The following NFE2L3 variants were observed in gnomAD, a reference collection of about 807,000 sequenced individuals.
NFE2L3 encodes the protein NFE2 like bZIP transcription factor 3.
Under a neutral mutation model 23.5 loss-of-function variants are expected in NFE2L3, and 18 were observed. The observed-to-expected ratio is 0.77, with a 90% CI of 0.53 to 1.13. The LOEUF (loss-of-function observed/expected upper bound fraction) is 1.13, where lower values mean the gene tolerates loss of function less well. Among genes scored for constraint, NFE2L3 ranks in the 50% most tolerant of loss-of-function variants. The pLI is 0.00. For missense variants in NFE2L3, 1,152 were observed against 877.2 expected, an observed-to-expected ratio of 1.31 and a Z score of -3.96; for synonymous variants, 424 against 354.5, an observed-to-expected ratio of 1.20 and a Z score of -2.20.
rs535437302 is a variant in NFE2L3, at chr7:26,185,319, C to G, written c.1621C>G (p.Arg541Gly). Residue 541 changes from arginine (R) to glycine (G), a missense_variant, in exon 4 of 4, where the codon CGT becomes GGT. Physicochemically the swap from Arg to Gly is moderately radical, Grantham distance 125. Coordinates refer to ENST00000056233, the MANE Select transcript of NFE2L3 (RefSeq NM_004289.7). Reference protein sequence around the residue: ...TDRNLSRDEQRAKALHIPFSV... With the variant: ...TDRNLSRDEQGAKALHIPFSV... Reference sequence around the variant, plus strand: ...TAGAAACTTGAGCCGTGATGAACAGCGTGCTAAAGCTTTGCATATCCCTTT... The same window carrying G: ...TAGAAACTTGAGCCGTGATGAACAGGGTGCTAAAGCTTTGCATATCCCTTT... 2.5e-6 allele frequency: 4 copies of G among 1,613,960 alleles called. No individual in the cohort carries two copies. The African/African-American group carries it at 5.3e-5, about 22-fold the overall frequency.
At chr7:26,156,308 A>G (rs758239666) in intron 1 of NFE2L3, among the ~76,000 whole-genome samples, 2 of 152,222 alleles carry the variant, frequency 1.3e-5, no homozygotes, top group Non-Finnish European at 2.9e-5. Context: ...AAAGAGACGA[A>G]GTGCTTTGTC....
At position 26,175,728 on chromosome 7, in the gene NFE2L3, A is replaced by T. The variant is rs182044045; in HGVS notation, c.571-2215A>T. 3.2e-3 allele frequency among the ~76,000 whole-genome samples: 479 copies of T among 150,756 alleles called. 2 individuals carry two copies. The highest frequency in any genetic ancestry group is 0.011 in the African/African-American group (467 of 41,338). On this transcript the variant is annotated intron_variant, in intron 1 of 3. Coordinates refer to ENST00000056233, the MANE Select transcript of NFE2L3 (RefSeq NM_004289.7). ...CGGGAGGCCGAGCTTGTAGTGAGCC[A>T]AGATCGTGCCACTGCACTCCAGCCT... is the stretch of plus-strand genomic sequence containing the variant.
At chr7:26,183,652 C>A in intron 2 of NFE2L3, 49 bp from the exon 3 acceptor site, 1 of 1,159,598 alleles carries the variant, frequency 8.6e-7, no homozygotes, top group African/African-American at 1.5e-5. Context: ...AAAGCCCCAA[C>A]CAGTTCAGTC....
intron 1 of NFE2L3, among the ~76,000 whole-genome samples, chr7:26,165,726 A>C (rs993734904): frequency 1.2e-4 from 19 of 152,252 alleles, no homozygotes; most frequent in African/African-American, 4.6e-4. Flanking sequence ...GTCTTGTGCC[A>C]GTTTTCAAAG....
rs923847870 is a variant in NFE2L3, at chr7:26,175,365, TAAATA to T, written c.571-2575_571-2571del. On this transcript the variant is annotated intron_variant, in intron 1 of 3. Transcript: ENST00000056233. ...ACAGAGTGAGACTCAAAAAAATAAA[TAAATA>T]AAGCAATATGTGTTTGTTGTAAAAT... Among the ~76,000 whole-genome samples, 18 of 150,580 alleles carry T rather than the reference TAAATA, an allele frequency of 1.2e-4. No homozygotes were observed. The South Asian group carries it at 3.2e-3, about 26-fold the overall frequency.
At chr7:26,183,582 A>G (rs1782387579) in intron 2 of NFE2L3, 119 bp from the exon 3 acceptor site, 1 of 673,760 alleles carries the variant, frequency 1.5e-6, no homozygotes, top group South Asian at 1.8e-5. Context: ...ACCAAGGAAC[A>G]TAATAGCATA....
intron 1 of NFE2L3, among the ~76,000 whole-genome samples, chr7:26,160,990 C>T (rs1404985339): frequency 1.3e-5 from 2 of 152,204 alleles, no homozygotes; most frequent in East Asian, 1.9e-4. Flanking sequence ...AGTAATAGAT[C>T]GTCAACAGAT....
At chr7:26,168,813 G>C (rs572389685) in intron 1 of NFE2L3, among the ~76,000 whole-genome samples, 1 of 152,228 alleles carries the variant, frequency 6.6e-6, no homozygotes, top group Non-Finnish European at 1.5e-5. Context: ...TTTCCATAGT[G>C]GTTTACATTC....
intron 1 of NFE2L3, among the ~76,000 whole-genome samples, chr7:26,156,751 A>G (rs1784088257): frequency 6.6e-6 from 1 of 152,170 alleles, no homozygotes; most frequent in South Asian, 2.1e-4. Context: ...GTGGTTTCCT[A>G]TCCTGGTACA....
At position 26,152,258 on chromosome 7, in the gene NFE2L3, G is replaced by C. The variant is rs1784007429; in HGVS notation, c.-241G>C. 4.4e-6 allele frequency: 1 copy of C among 227,048 alleles called. No homozygotes were observed. Among genetic ancestry groups the C allele is most frequent in the South Asian group, 1.8e-4 (1 of 5,566 alleles). 14.1% of individuals were successfully genotyped at this position (227,048 alleles called of 1,614,324 possible). A position where few individuals can be genotyped will look rare whatever the true frequency, so the allele number is the denominator to read the frequency against. On this transcript the variant is annotated 5_prime_UTR_variant, in exon 1 of 4. Coordinates refer to ENST00000056233, the MANE Select transcript of NFE2L3 (RefSeq NM_004289.7). This position sits in a 1 kb window ranked among gnomAD's most constrained non-coding sequence, Gnocchi z 4.4. ...GGCGAACGGGCTCGGCGCTCAGGTG[G>C]CTCCTTCTTCGCTTCTCCCGATCCC...
At position 26,185,748 on chromosome 7, in the gene NFE2L3, C is replaced by T. The variant is rs771812479; in HGVS notation, c.2050C>T (p.His684Tyr). 25 of 1,585,192 alleles carry T rather than the reference C, an allele frequency of 1.6e-5. No homozygotes were observed. In the South Asian group the frequency reaches 2.0e-4, roughly 13 times the overall value. ...IVPKELVASG[H>Y]KKETQKGKRK ...ACCCAAAGAACTGGTGGCCTCAGGC[C>T]ACAAAAAGGAAACCCAAAAGGGAAA... Residue 684 changes from histidine (H) to tyrosine (Y), a missense_variant, in exon 4 of 4, where the codon CAC becomes TAC. Transcript: ENST00000056233.
chr7:26,171,459 G>A (rs1006915386), intron 1 of NFE2L3, among the ~76,000 whole-genome samples: 14 of 151,806 alleles, frequency 9.2e-5, no homozygotes, highest in African/African-American at 3.2e-4. Flanking sequence ...CAGGAGAATC[G>A]CTGGAACCCT....
intron 1 of NFE2L3, among the ~76,000 whole-genome samples, chr7:26,176,392 C>T (rs1784405907): frequency 6.6e-6 from 1 of 152,232 alleles, no homozygotes; most frequent in South Asian, 2.1e-4. Flanking sequence ...CTGTTGGGTA[C>T]ACCTGCAGAA....
At chr7:26,160,999 A>G (rs980655949) in intron 1 of NFE2L3, among the ~76,000 whole-genome samples, 7 of 152,210 alleles carry the variant, frequency 4.6e-5, no homozygotes, top group Non-Finnish European at 1.0e-4. Context: ...TCGTCAACAG[A>G]TGATTCGCTT....
chr7:26,175,449 CCAACCTT>C (rs1269715401), intron 1 of NFE2L3, among the ~76,000 whole-genome samples: 1 of 152,148 alleles, frequency 6.6e-6, no homozygotes, highest in African/African-American at 2.4e-5. Context: ...CACCCTGTTG[CCAACCTT>C]CAGAGAGAAC....
In NFE2L3 at chr7:26,152,802, T is replaced by TA; in HGVS notation, c.304_305insA (p.Phe102TyrfsTer104). Reference sequence around the variant, plus strand: ...GGAGGTGCGCGCGCTCGGGGTCCCCTTCGTCCCTCGCACCAGCGTGGATGC... The same window carrying TA: ...GGAGGTGCGCGCGCTCGGGGTCCCCTATCGTCCCTCGCACCAGCGTGGATGC... On this transcript the variant is annotated frameshift_variant, in exon 1 of 4. Coordinates refer to ENST00000056233, the MANE Select transcript of NFE2L3 (RefSeq NM_004289.7). LOFTEE classifies it high-confidence loss of function. This position sits in a 1 kb window ranked among gnomAD's most constrained non-coding sequence, Gnocchi z 4.4. 1 of 1,487,174 alleles carries TA rather than the reference T, an allele frequency of 6.7e-7. No individual in the cohort carries two copies. The highest frequency in any genetic ancestry group is 8.9e-7 in the Non-Finnish European group (1 of 1,126,360). The allele number at this position is 1,487,174 out of a possible 1,614,324, so 92.1% of individuals were successfully genotyped here. A position where few individuals can be genotyped will look rare whatever the true frequency, so the allele number is the denominator to read the frequency against.
chr7:26,175,853 CTTTTTTT>C (rs70943276), intron 1 of NFE2L3, among the ~76,000 whole-genome samples: 1 of 111,646 alleles, frequency 9.0e-6, no homozygotes, highest in African/African-American at 3.3e-5. Flanking sequence ...ATTTTCTTTT[CTTTTTTT>C]TTTTTTTTTT....
At position 26,185,377 on chromosome 7, in the gene NFE2L3, A is replaced by G; in HGVS notation, c.1679A>G (p.Asp560Gly). The G allele has an allele frequency of 1.9e-6, 3 of 1,614,118 alleles. No homozygotes were observed. The highest frequency in any genetic ancestry group is 2.5e-6 in the Non-Finnish European group (3 of 1,179,992). The change falls in exon 4 of 4, where the codon GAT (aspartate) becomes GGT (glycine). Residue 560 changes from aspartate to glycine, a missense_variant. Asp to Gly is a moderately conservative substitution (Grantham distance 94, BLOSUM62 -1). Transcript: ENST00000056233. ...GATGAAATTGTCGGCATGCCTGTTG[A>G]TTCTTTCAATAGCATGTTAAGTAGA... The part of the protein sequence containing the change: ...SVDEIVGMPV[D>G]SFNSMLSRYY...
chr7:26,184,390 A>C, intron 3 of NFE2L3, 143 bp from the exon 4 acceptor site: 1 of 697,056 alleles, frequency 1.4e-6, no homozygotes, highest in Non-Finnish European at 2.4e-6. Flanking sequence ...GCCTGTATTT[A>C]ACTAGGAAGT....
Sources: allele counts gnomAD v4.1 joint callset (sites outside exome capture counted in the v4.1 genomes callset), GRCh38; gene constraint gnomAD v4.1.1; non-coding constraint Gnocchi (gnomAD v3.1); transcripts MANE v1.5; gene names NCBI Gene and HGNC (gene_info 2026-07-23, HGNC 2026-07-21).